Variants in KMT2E observed in about 807,000 individuals in gnomAD.
KMT2E encodes the protein lysine methyltransferase 2E (inactive).
KMT2E carries 30 observed loss-of-function variants against 184.6 expected under a neutral mutation model. That is an observed-to-expected ratio of 0.16 (90% confidence interval 0.12 to 0.22). The LOEUF is 0.22. Ranked by LOEUF, KMT2E falls within the 10% of genes least tolerant of loss-of-function variation. The pLI is 1.00. For missense variants in KMT2E, 2,023 were observed against 2,237.4 expected, an observed-to-expected ratio of 0.90 and a Z score of 1.93; for synonymous variants, 815 against 776.5, an observed-to-expected ratio of 1.05 and a Z score of -0.82.
At chr7:105,063,716 G>A in intron 5 of KMT2E, 136 bp downstream of exon 5, 1 of 623,734 alleles carries the variant, frequency 1.6e-6, no homozygotes, top group South Asian at 2.2e-5. Flanking sequence ...TATTGATGCA[G>A]TCCTAGAAAA....
chr7:105,014,969 T>A lies in KMT2E; in HGVS notation c.-189+434T>A, dbSNP rs191644569. 1.5e-4 allele frequency among the ~76,000 whole-genome samples: 23 copies of A among 152,254 alleles called. No homozygotes were observed. In the East Asian group the frequency reaches 4.4e-3, roughly 29 times the overall value. ...TGCTGAAAAGCCATATAGGCCCCATTTTCTTCTTCCATTTCTTGACGGGCA... is the reference window on the plus strand; with the variant it reads ...TGCTGAAAAGCCATATAGGCCCCATATTCTTCTTCCATTTCTTGACGGGCA... On this transcript the variant is annotated intron_variant, in intron 1 of 26. Coordinates refer to ENST00000311117, the MANE Select transcript of KMT2E (RefSeq NM_182931.3).
In KMT2E at chr7:105,112,839, C is replaced by T. The variant is rs765538570; in HGVS notation, c.5083C>T (p.His1695Tyr). Residue 1695 changes from histidine (H) to tyrosine (Y), a missense_variant, in exon 27 of 27, where the codon CAT (histidine) becomes TAT (tyrosine). His to Tyr is a moderately conservative substitution (Grantham distance 83). Coordinates refer to ENST00000311117, the MANE Select transcript of KMT2E (RefSeq NM_182931.3). ...TGCCCCTCATCACCATCCACCACCC[C>T]ATCCATCCACAGGACTCCAAGGTCT... ...GPAPHHHPPP[H>Y]PSTGLQGLQA... 6.2e-7 allele frequency: 1 copy of T among 1,608,296 alleles called. No individual in the cohort carries two copies. The highest frequency in any genetic ancestry group is 1.1e-5 in the South Asian group (1 of 90,500).
chr7:105,053,183 T>G (rs1203365260), intron 3 of KMT2E, among the ~76,000 whole-genome samples: 1 of 152,150 alleles, frequency 6.6e-6, no homozygotes, highest in Non-Finnish European at 1.5e-5. Context: ...AAGCTGGAAA[T>G]TTTTTTAAAG....
At chr7:105,075,997 T>A in intron 8 of KMT2E, 46 bp from the exon 9 acceptor site, 1 of 1,397,280 alleles carries the variant, frequency 7.2e-7, no homozygotes, top group Non-Finnish European at 1.0e-6. Context: ...ATATTAATTA[T>A]GTCCAGTTTT....
At chr7:105,024,255 A>G (rs1336074336) in intron 1 of KMT2E, among the ~76,000 whole-genome samples, 1 of 152,200 alleles carries the variant, frequency 6.6e-6, no homozygotes, top group African/African-American at 2.4e-5. Flanking sequence ...TAGGTGCTTT[A>G]AAAAATAATT....
chr7:105,059,990 T>G (rs947217405), intron 3 of KMT2E, among the ~76,000 whole-genome samples: 4 of 66,752 alleles, frequency 6.0e-5, no homozygotes, highest in African/African-American at 1.1e-4. Flanking sequence ...TTTTTTTTTT[T>G]TTTTTTTTTT....
chr7:105,031,381 T>A (rs1482863127), intron 1 of KMT2E, among the ~76,000 whole-genome samples: 2 of 90,968 alleles, frequency 2.2e-5, no homozygotes, highest in Non-Finnish European at 4.4e-5. Context: ...GGTGGGAGGG[T>A]GGGGAAGAAA....
chr7:105,080,237 A>G lies in KMT2E; in HGVS notation c.1248+1274A>G, dbSNP rs111754140. On this transcript the variant is annotated intron_variant, in intron 12 of 26. Coordinates refer to ENST00000311117, the MANE Select transcript of KMT2E (RefSeq NM_182931.3). ...AAGTTAGATGACAAAGCTAAAATCT[A>G]AAGTAGATTTTGTATGTTCTACTGT... Among the ~76,000 whole-genome samples the G allele has an allele frequency of 1.5e-3, 231 of 152,342 alleles. 3 individuals carry two copies. The highest frequency in any genetic ancestry group is 5.2e-3 in the African/African-American group (218 of 41,570).
At chr7:105,092,906 A>G (rs936633228) in intron 15 of KMT2E, among the ~76,000 whole-genome samples, 26 of 152,232 alleles carry the variant, frequency 1.7e-4, no homozygotes, top group African/African-American at 5.1e-4. Flanking sequence ...ATAAAAAAAA[A>G]TCATAGGCCA....
At chr7:105,026,629 A>G (rs1350873965) in intron 1 of KMT2E, among the ~76,000 whole-genome samples, 1 of 152,176 alleles carries the variant, frequency 6.6e-6, no homozygotes, top group South Asian at 2.1e-4. Context: ...GTTGCTGTAT[A>G]TTAGTATTAA....
rs147640700 is a variant in KMT2E, at chr7:105,057,867, A to G, written c.72-4297A>G. On this transcript the variant is annotated intron_variant, in intron 3 of 26. Transcript: ENST00000311117. The stretch of plus-strand genomic sequence containing the variant: ...TTTTGTTCTGCTACAGTACTATTAT[A>G]TAACAAAATTAACATAAAGTATCCA... Among the ~76,000 whole-genome samples the G allele has an allele frequency of 1.1e-4, 16 of 152,330 alleles. No homozygotes were observed. The East Asian group carries it at 2.7e-3, about 26-fold the overall frequency.
At chr7:105,048,369 A>G (rs903447668) in intron 3 of KMT2E, among the ~76,000 whole-genome samples, 1 of 152,100 alleles carries the variant, frequency 6.6e-6, no homozygotes, top group Admixed American at 6.5e-5. Context: ...AGGAAATCTC[A>G]TGATAATTTT....
chr7:105,051,786 T>C (rs1282791403), intron 3 of KMT2E, among the ~76,000 whole-genome samples: 1 of 152,086 alleles, frequency 6.6e-6, no homozygotes, highest in African/African-American at 2.4e-5. Flanking sequence ...GCCCAGCTAA[T>C]TTTTATATTT....
chr7:105,073,710 T>G, intron 7 of KMT2E, 33 bp downstream of exon 7: 1 of 1,345,212 alleles, frequency 7.4e-7, no homozygotes, highest in South Asian at 1.2e-5. Context: ...AAATTAAAAT[T>G]CGTGTGATTG....
chr7:105,107,229 A>G lies in KMT2E; in HGVS notation c.2904+7A>G. 6.4e-7 allele frequency: 1 copy of G among 1,552,076 alleles called. No individual in the cohort carries two copies. Among genetic ancestry groups the G allele is most frequent in the Non-Finnish European group, 8.7e-7 (1 of 1,143,872 alleles). ...ACGCACTTATAGTCAAGAGGTAAGA[A>G]GTTAACTTAAAAAGGGTGAATTGGT... On this transcript the variant is annotated splice_region_variant and intron_variant, in intron 21 of 26. Coordinates refer to ENST00000311117, the MANE Select transcript of KMT2E (RefSeq NM_182931.3).
At position 105,110,492 on chromosome 7, in the gene KMT2E, G is replaced by T; in HGVS notation, c.3860G>T (p.Cys1287Phe). 6.2e-7 allele frequency: 1 copy of T among 1,614,136 alleles called. No homozygotes were observed. Among genetic ancestry groups the T allele is most frequent in the Non-Finnish European group, 8.5e-7 (1 of 1,180,012 alleles). Residue 1287 changes from cysteine to phenylalanine, a missense_variant, in exon 25 of 27, where the codon TGT becomes TTT. Cys to Phe is a radical substitution (Grantham distance 205). Transcript: ENST00000311117. ...TCATCTCTAGGGGGAGAATCACCATGTGTCTCATGTTCACCGAGTCATGTT... is the reference window on the plus strand; with the variant it reads ...TCATCTCTAGGGGGAGAATCACCATTTGTCTCATGTTCACCGAGTCATGTT... The part of the protein sequence containing the change: ...KDKDSGGESP[C>F]VSCSPSHVQS...
chr7:105,051,508 A>G lies in KMT2E; in HGVS notation c.71+10485A>G, dbSNP rs531143757. On this transcript the variant is annotated intron_variant, in intron 3 of 26. Coordinates refer to ENST00000311117, the MANE Select transcript of KMT2E (RefSeq NM_182931.3). ...ATCATCTATTTCTTTAAATGGCTAC[A>G]TCTCTATCCAGTTGCTTAAAACTCT... Among the ~76,000 whole-genome samples the G allele has an allele frequency of 3.0e-4, 45 of 152,258 alleles. 1 individual carries two copies. Among genetic ancestry groups the G allele is most frequent in the Admixed American group, 2.6e-3 (40 of 15,290 alleles).
Position 105,101,964 on chromosome 7 carries a change from C to T in KMT2E, c.1966C>T (p.Arg656Trp). The T allele has an allele frequency of 1.2e-6, 2 of 1,613,624 alleles. No homozygotes were observed. Among genetic ancestry groups the T allele is most frequent in the East Asian group, 2.2e-5 (1 of 44,830 alleles). Residue 656 changes from arginine to tryptophan, a missense_variant, in exon 17 of 27, where the codon CGG (arginine) becomes TGG (tryptophan). By Grantham distance (101) the Arg-to-Trp change is moderately radical. Coordinates refer to ENST00000311117, the MANE Select transcript of KMT2E (RefSeq NM_182931.3). ...NRTKQRKSFS[R>W]SRTHIGQQRR... is the part of the protein sequence containing the mutation. ...AACTAAACAGAGAAAAAGTTTTTCTCGGAGTAGGACTCACATTGGACAGCA... is the reference window on the plus strand; with the variant it reads ...AACTAAACAGAGAAAAAGTTTTTCTTGGAGTAGGACTCACATTGGACAGCA...
chr7:105,015,089 C>G (rs1386535393), intron 1 of KMT2E, among the ~76,000 whole-genome samples: 1 of 152,180 alleles, frequency 6.6e-6, no homozygotes, highest in Non-Finnish European at 1.5e-5. Flanking sequence ...AGCTCCTCAT[C>G]CTCTCCTGGA....
Sources: allele counts gnomAD v4.1 joint callset (sites outside exome capture counted in the v4.1 genomes callset), GRCh38; gene constraint gnomAD v4.1.1; transcripts MANE v1.5; gene names NCBI Gene and HGNC (gene_info 2026-07-23, HGNC 2026-07-21).